The following IQCK variants were observed in gnomAD, a reference collection of about 807,000 sequenced individuals.
IQCK encodes IQ motif containing K.
In IQCK, 29 loss-of-function variants were observed where a neutral mutation model predicts 28.1. The observed-to-expected ratio is 1.03, with a 90% CI of 0.77 to 1.41. The LOEUF (loss-of-function observed/expected upper bound fraction) is 1.41. Among genes scored for constraint, IQCK ranks in the 40% most tolerant of loss-of-function variants. IQCK has a pLI of 0.00. For synonymous variants in IQCK, 113 were observed against 115.1 expected, an observed-to-expected ratio of 0.98 and a Z score of 0.12; for missense variants, 359 against 314.7, an observed-to-expected ratio of 1.14 and a Z score of -1.07.
chr16:19,757,484 C>T (rs1042703178), intron 4 of IQCK, among the ~76,000 whole-genome samples: 2 of 152,148 alleles, frequency 1.3e-5, no homozygotes, highest in African/African-American at 4.8e-5. Context: ...ACCAGCCTGG[C>T]CAACATGGCA....
chr16:19,774,143 G>T (rs2055355840), intron 6 of IQCK, among the ~76,000 whole-genome samples: 2 of 152,118 alleles, frequency 1.3e-5, no homozygotes, highest in Admixed American at 6.5e-5. Flanking sequence ...TAGTGTGGTG[G>T]TTAGGAGCTT....
At chr16:19,782,527 C>T (rs2055501992) in intron 6 of IQCK, among the ~76,000 whole-genome samples, 2 of 151,780 alleles carry the variant, frequency 1.3e-5, no homozygotes, top group African/African-American at 2.4e-5. Context: ...GTTTAGGAGG[C>T]TGAGGTGGGA....
At chr16:19,823,453 C>T (rs1176436159) in intron 7 of IQCK, among the ~76,000 whole-genome samples, 1 of 152,052 alleles carries the variant, frequency 6.6e-6, no homozygotes, top group South Asian at 2.1e-4. Flanking sequence ...ACTATCAGAC[C>T]GGCTGGTCTG....
intron 1 of IQCK, among the ~76,000 whole-genome samples, chr16:19,729,613 CT>C (rs1236813352): frequency 1.3e-5 from 2 of 151,792 alleles, no homozygotes; most frequent in East Asian, 3.9e-4. Flanking sequence ...CTCTTACCGA[CT>C]TTATTATTTT....
At chr16:19,733,022 G>A (rs1977890452) in intron 2 of IQCK, among the ~76,000 whole-genome samples, 1 of 152,200 alleles carries the variant, frequency 6.6e-6, no homozygotes, top group African/African-American at 2.4e-5. Context: ...CCCACCCTGT[G>A]CAGTGCCTGT....
intron 7 of IQCK, among the ~76,000 whole-genome samples, chr16:19,814,742 A>G (rs1484349778): frequency 2.0e-5 from 3 of 151,712 alleles, no homozygotes; most frequent in Non-Finnish European, 4.4e-5. Context: ...TATTAAGGTG[A>G]GATAAATAGA....
intron 4 of IQCK, among the ~76,000 whole-genome samples, chr16:19,739,232 T>C (rs1300255031): frequency 6.6e-6 from 1 of 152,228 alleles, no homozygotes; most frequent in African/African-American, 2.4e-5. Flanking sequence ...TCAGAAATCC[T>C]AGTTTTGACA....
In IQCK at chr16:19,835,022, T is replaced by A. The variant is rs544066540; in HGVS notation, c.802+7885T>A. Among the ~76,000 whole-genome samples the A allele has an allele frequency of 7.9e-5, 12 of 152,330 alleles. No individual in the cohort carries two copies. In the East Asian group the frequency reaches 2.1e-3, roughly 27 times the overall value. ...GCTCATGCCTATAGCTCCAGCACTTTGGGAGGCCGAGGCAGGCGGATCACT... is the reference window on the plus strand; with the variant it reads ...GCTCATGCCTATAGCTCCAGCACTTAGGGAGGCCGAGGCAGGCGGATCACT... On this transcript the variant is annotated intron_variant, in intron 9 of 9. Coordinates refer to the IQCK transcript ENST00000320394.
chr16:19,730,559 G>C, intron 2 of IQCK, 65 bp downstream of exon 2: 2 of 1,281,036 alleles, frequency 1.6e-6, no homozygotes, highest in South Asian at 1.4e-5. Context: ...TTGATGGCCT[G>C]TGAATGTCAC....
At chr16:19,767,080 G>A (rs949084523) in intron 6 of IQCK, among the ~76,000 whole-genome samples, 4 of 152,198 alleles carry the variant, frequency 2.6e-5, no homozygotes, top group Non-Finnish European at 5.9e-5. Flanking sequence ...AGGGGGATGT[G>A]GCTCGCTTTT....
chr16:19,746,523 T>C (rs1174048288), intron 4 of IQCK, among the ~76,000 whole-genome samples: 1 of 152,214 alleles, frequency 6.6e-6, no homozygotes, highest in Non-Finnish European at 1.5e-5. Context: ...CCATTGTGAC[T>C]CTTAGAATTG....
Position 19,827,012 on chromosome 16 carries a change from C to T in IQCK, c.691-14C>T, listed in dbSNP as rs768098933. On this transcript the variant is annotated splice_polypyrimidine_tract_variant and intron_variant, in intron 7 of 7. Transcript: ENST00000564186. ...GTGTCGAAAAGGGACTAAAGTTTTA[C>T]TGGGATTTTCCAGGTTCGCTGTGAT... 2.5e-6 allele frequency: 4 copies of T among 1,588,056 alleles called. No homozygotes were observed. Among genetic ancestry groups the T allele is most frequent in the African/African-American group, 2.7e-5 (2 of 74,380 alleles).
intron 4 of IQCK, among the ~76,000 whole-genome samples, chr16:19,746,171 AAAG>A (rs200762131): frequency 0.025 from 3,583 of 144,936 alleles, 126 homozygotes; most frequent in African/African-American, 0.089. Context: ...AAAAAAAAAA[AAAG>A]AGTCTAGCTT....
chr16:19,731,852 G>A (rs1977850605), intron 2 of IQCK, among the ~76,000 whole-genome samples: 1 of 152,168 alleles, frequency 6.6e-6, no homozygotes, highest in Non-Finnish European at 1.5e-5. Context: ...AAATCCAAAA[G>A]CCTCAGAGCC....
intron 2 of IQCK, 120 bp from the exon 3 acceptor site, chr16:19,733,578 C>T (rs1395752994): frequency 2.0e-5 from 22 of 1,107,890 alleles, no homozygotes; most frequent in East Asian, 1.2e-4. Context: ...CTGTGCTCAG[C>T]GTACCCCCTT....
At chr16:19,731,312 G>C (rs1189247033) in intron 2 of IQCK, among the ~76,000 whole-genome samples, 2 of 152,178 alleles carry the variant, frequency 1.3e-5, no homozygotes, top group African/African-American at 4.8e-5. Flanking sequence ...TTTTTAAAAA[G>C]CAAGGCTCTG....
rs148167704 is a variant in IQCK at position 19,727,693 on chromosome 16, C to T, written c.182-2737C>T. ...GACTTTTACACTCTACATAAGACAT[C>T]CCTATGTTATTTGACATTTTCTTTC... On this transcript the variant is annotated intron_variant, in intron 1 of 7. Transcript: ENST00000564186. 1.6e-4 allele frequency among the ~76,000 whole-genome samples: 24 copies of T among 151,992 alleles called. No individual in the cohort carries two copies. In the East Asian group the frequency reaches 3.5e-3, roughly 22 times the overall value.
At chr16:19,776,185 G>T (rs958920234) in intron 6 of IQCK, among the ~76,000 whole-genome samples, 1 of 152,010 alleles carries the variant, frequency 6.6e-6, no homozygotes, top group African/African-American at 2.4e-5. Flanking sequence ...CTGGCCCACA[G>T]GCATATTTCT....
At chr16:19,835,631 C>T (rs544871616) in intron 9 of IQCK, among the ~76,000 whole-genome samples, 3 of 149,384 alleles carry the variant, frequency 2.0e-5, no homozygotes, top group Non-Finnish European at 4.4e-5. Context: ...GTCGCCCAGA[C>T]TGAAGTGCAG....
Sources: gnomAD v4.1 joint callset for allele counts (sites outside exome capture counted in the v4.1 genomes callset) on GRCh38, gnomAD v4.1.1 for gene constraint, MANE v1.5 for transcripts, NCBI Gene and HGNC (gene_info 2026-07-23, HGNC 2026-07-21) for gene names.